ERBB2: variants seen among roughly 807,000 people sequenced by gnomAD.
ERBB2 encodes the protein erb-b2 receptor tyrosine kinase 2.
ERBB2 carries 61 observed loss-of-function variants against 149.0 expected under a neutral mutation model. That is an observed-to-expected ratio of 0.41 (90% confidence interval 0.33 to 0.51). The LOEUF (loss-of-function observed/expected upper bound fraction) is 0.51. Among genes scored for constraint, ERBB2 ranks in the 20% least tolerant of loss-of-function variants. The probability of loss-of-function intolerance (pLI) is 0.25; values close to 1 mark genes in which losing one functional copy is unlikely to be tolerated. For missense variants in ERBB2, 1,205 were observed against 1,655.1 expected, an observed-to-expected ratio of 0.73 and a Z score of 4.72; for synonymous variants, 633 against 678.8, an observed-to-expected ratio of 0.93 and a Z score of 1.05.
intron 15 of ERBB2, among the ~76,000 whole-genome samples, chr17:39,718,448 A>T (rs2059267745): frequency 6.6e-6 from 1 of 152,176 alleles, no homozygotes. Context: ...ACTTATATAG[A>T]CATACTACAT....
intron 12 of ERBB2, 133 bp downstream of exon 12, chr17:39,716,072 T>C: frequency 9.2e-7 from 1 of 1,085,710 alleles, no homozygotes; most frequent in Admixed American, 2.3e-5. Context: ...TCAGCACAGC[T>C]CTGGCTGGCT....
At chr17:39,702,987 G>A (rs1567894223) in intron 1 of ERBB2, among the ~76,000 whole-genome samples, 2 of 152,214 alleles carry the variant, frequency 1.3e-5, no homozygotes, top group Admixed American at 1.3e-4. Context: ...TGGCCAGATG[G>A]GAGGAGAAGC....
In ERBB2 at chr17:39,727,114, C is replaced by T; in HGVS notation, c.3159+111C>T. ...CAACTGTCACCTCTCAAGGAAACCC[C>T]ATTATCCCTACAAAAAATTCTTACT... On this transcript the variant is annotated intron_variant, in intron 25 of 26. Transcript: ENST00000269571. The surrounding 1 kb of genome is among the most constrained non-coding windows in gnomAD (Gnocchi z 4.3). 1 of 1,253,296 alleles carries T rather than the reference C, an allele frequency of 8.0e-7. No individual in the cohort carries two copies. The highest frequency in any genetic ancestry group is 1.1e-6 in the Non-Finnish European group (1 of 902,422). 77.6% of individuals were successfully genotyped at this position (1,253,296 alleles called of 1,614,324 possible).
rs746968535 is a variant in ERBB2 at position 39,723,322 on chromosome 17, T to G, written c.1950T>G (p.Pro650=). The G allele has an allele frequency of 1.3e-6, 2 of 1,581,342 alleles. No individual in the cohort carries two copies. Among genetic ancestry groups the G allele is most frequent in the African/African-American group, 1.4e-5 (1 of 72,826 alleles). ...KGCPAEQRAS[P]LTSIISAVVG... ...TGACCCTGGCTTCCGCCCCCAGCCC[T>G]CTGACGTCCATCATCTCTGCGGTGG... The change falls in exon 17 of 27, where the codon CCT becomes CCG. Residue 650 remains proline (P), a synonymous_variant. Transcript: ENST00000269571. The surrounding 1 kb of genome is among the most constrained non-coding windows in gnomAD (Gnocchi z 6.2).
upstream of ERBB2, chr17:39,699,418 G>T: frequency 2.1e-5 from 15 of 715,202 alleles, no homozygotes; most frequent in South Asian, 2.7e-4. Flanking sequence ...CAGAGATCGC[G>T]CCATTGCTCT....
intron 15 of ERBB2, among the ~76,000 whole-genome samples, chr17:39,718,577 C>A (rs542553698): frequency 6.6e-6 from 1 of 152,224 alleles, no homozygotes; most frequent in East Asian, 1.9e-4. Flanking sequence ...GCAGGCAGAT[C>A]ACTTGAGATC....
exon 1 of ERBB2, chr17:39,688,160 GCCTGCCCCGCCCCTCGTCCC>G: frequency 1.4e-6 from 1 of 713,468 alleles, no homozygotes; most frequent in Middle Eastern, 4.5e-4. Flanking sequence ...TTTTGTGGGC[GCCTGCCCCGCCCCTCGTCCC>G]CCTGCTGTGT....
chr17:39,713,479 G>A (rs1433481357), intron 9 of ERBB2, among the ~76,000 whole-genome samples: 1 of 151,626 alleles, frequency 6.6e-6, no homozygotes, highest in East Asian at 2.0e-4. Flanking sequence ...GGCCAGGCAC[G>A]GTGGCTCACG....
chr17:39,716,480 C>A (rs752381233), intron 13 of ERBB2, 35 bp from the exon 14 acceptor site: 1 of 1,613,696 alleles, frequency 6.2e-7, no homozygotes, highest in African/African-American at 1.3e-5. Flanking sequence ...CATGGGGCTC[C>A]TCTCAGACCC....
Position 39,708,545 on chromosome 17 carries a change from C to G in ERBB2, c.439+11C>G, listed in dbSNP as rs2145448301. 2.5e-6 allele frequency: 4 copies of G among 1,609,256 alleles called. No individual in the cohort carries two copies. Among genetic ancestry groups the G allele is most frequent in the Non-Finnish European group, 3.4e-6 (4 of 1,175,916 alleles). ...TTCGAAGCCTCACAGGTGGCCTTCA[C>G]CGTCATTGAAACCTTCTCTTGGTTA... On this transcript the variant is annotated intron_variant, in intron 3 of 26. Coordinates refer to ENST00000269571, the MANE Select transcript of ERBB2 (RefSeq NM_004448.4).
At chr17:39,695,012 G>C (rs1597843420) in exon 1 of ERBB2, 1 of 152,448 alleles carries the variant, frequency 6.6e-6, no homozygotes, top group South Asian at 2.1e-4. Flanking sequence ...CTATATTCAA[G>C]ACCACATGCA....
At chr17:39,706,035 C>G (rs951728947) in intron 1 of ERBB2, among the ~76,000 whole-genome samples, 1 of 152,216 alleles carries the variant, frequency 6.6e-6, no homozygotes, top group Non-Finnish European at 1.5e-5. Flanking sequence ...AGCTGCTACC[C>G]CGGCGCCCCT....
intron 7 of ERBB2, 38 bp downstream of exon 7, chr17:39,710,519 TG>T: frequency 6.2e-7 from 1 of 1,612,210 alleles, no homozygotes; most frequent in South Asian, 1.1e-5. Context: ...CTCATTTTGG[TG>T]GGGAGGTTTG....
rs34185413 is a variant in ERBB2, at chr17:39,714,057, C to CAA, written c.1149-1208_1149-1207dup. Among the ~76,000 whole-genome samples the CAA allele has an allele frequency of 2.6e-3, 249 of 94,708 alleles. 1 individual carries two copies. The highest frequency in any genetic ancestry group is 0.01 in the African/African-American group (221 of 21,394). 62.1% of individuals were successfully genotyped at this position (94,708 alleles called of 152,430 possible). ...TGGGTGACAGAATGAGACCCTGTCT[C>CAA]AAAAAAAAAAAAAAAAAAAAAATTC... On this transcript the variant is annotated intron_variant, in intron 9 of 26. Coordinates refer to ENST00000269571, the MANE Select transcript of ERBB2 (RefSeq NM_004448.4).
Position 39,718,001 on chromosome 17 carries a change from A to G in ERBB2, c.1898+521A>G, listed in dbSNP as rs549491462. 4.6e-5 allele frequency among the ~76,000 whole-genome samples: 7 copies of G among 152,296 alleles called. 1 individual carries two copies. The South Asian group carries it at 1.4e-3, about 32-fold the overall frequency. ...GCTAATTTTTGTATTTTTAGTACATAGGATTTCACCATGTTGGCCAGGCTG... is the reference window on the plus strand; with the variant it reads ...GCTAATTTTTGTATTTTTAGTACATGGGATTTCACCATGTTGGCCAGGCTG... On this transcript the variant is annotated intron_variant, in intron 15 of 26. Coordinates refer to ENST00000269571, the MANE Select transcript of ERBB2 (RefSeq NM_004448.4).
chr17:39,728,262 T>G lies in ERBB2; in HGVS notation c.*218T>G. ...GAAGAGGAACAGCACTGGGGAGTCT[T>G]TGTGGATTCTGAGGCCCTGCCCAAT... On this transcript the variant is annotated 3_prime_UTR_variant, in exon 27 of 27. Transcript: ENST00000269571. 2.1e-6 allele frequency: 1 copy of G among 475,692 alleles called. No individual in the cohort carries two copies. The highest frequency in any genetic ancestry group is 3.7e-6 in the Non-Finnish European group (1 of 267,044). The allele number at this position is 475,692 out of a possible 1,614,324, so 29.5% of individuals were successfully genotyped here. A position where few individuals can be genotyped will look rare whatever the true frequency, so the allele number is the denominator to read the frequency against.
Position 39,712,386 on chromosome 17 carries a change from G to C in ERBB2, c.1086G>C (p.Gln362His). ...EVRAVTSANI[Q>H]EFAGCKKIFG... is the part of the protein sequence containing the mutation. The stretch of plus-strand genomic sequence containing the variant: ...GGGCAGTTACCAGTGCCAATATCCA[G>C]GAGTTTGCTGGCTGCAAGAAGATCT... Residue 362 changes from glutamine to histidine, a missense_variant, in exon 9 of 27, where the codon CAG becomes CAC. By Grantham distance (24) the Gln-to-His change is conservative (BLOSUM62 0). Coordinates refer to ENST00000269571, the MANE Select transcript of ERBB2 (RefSeq NM_004448.4). 4.3e-6 allele frequency: 7 copies of C among 1,613,964 alleles called. No homozygotes were observed. The highest frequency in any genetic ancestry group is 5.9e-6 in the Non-Finnish European group (7 of 1,179,954).
intron 9 of ERBB2, among the ~76,000 whole-genome samples, chr17:39,715,003 C>T (rs868316641): frequency 2.6e-5 from 4 of 152,032 alleles, no homozygotes; most frequent in African/African-American, 7.2e-5. Flanking sequence ...CTCTTGACTT[C>T]GTGATCCGCC....
intron 1 of ERBB2, among the ~76,000 whole-genome samples, chr17:39,704,889 G>A (rs947234656): frequency 6.6e-6 from 1 of 152,186 alleles, no homozygotes; most frequent in Non-Finnish European, 1.5e-5. Flanking sequence ...AGAGCCTGTG[G>A]TGTTTATCGG....
Sources: allele counts gnomAD v4.1 joint callset (sites outside exome capture counted in the v4.1 genomes callset), GRCh38; gene constraint gnomAD v4.1.1; non-coding constraint Gnocchi (gnomAD v3.1); transcripts MANE v1.5; gene names NCBI Gene and HGNC (gene_info 2026-07-23, HGNC 2026-07-21).